The following ATE1 variants were observed in gnomAD, a reference collection of about 807,000 sequenced individuals.
ATE1 encodes arginyltransferase 1.
ATE1 carries 36 observed loss-of-function variants against 70.5 expected under a neutral mutation model. The observed-to-expected ratio is 0.51, with a 90% confidence interval of 0.39 to 0.67. ATE1 has a LOEUF of 0.67. ATE1 is among the 30% of genes least tolerant of loss of function. ATE1 has a pLI of 0.00. For missense variants in ATE1, 593 were observed against 629.5 expected, an observed-to-expected ratio of 0.94 and a Z score of 0.62; for synonymous variants, 232 against 219.3, an observed-to-expected ratio of 1.06 and a Z score of -0.51.
intron 5 of ATE1, 47 bp downstream of exon 5, chr10:121,910,858 CA>C (rs946372053): frequency 9.9e-6 from 16 of 1,611,184 alleles, no homozygotes; most frequent in African/African-American, 2.7e-5. Flanking sequence ...AATGACTCAG[CA>C]AAAAGCAAAG....
intron 1 of ATE1, chr10:121,926,832 T>G: frequency 5.1e-6 from 5 of 985,416 alleles, no homozygotes; most frequent in Non-Finnish European, 6.0e-6. Context: ...TCCGTTTAAG[T>G]CCAAACTGGA....
intron 10 of ATE1, among the ~76,000 whole-genome samples, chr10:121,829,755 G>A (rs936995723): frequency 4.6e-5 from 7 of 151,856 alleles, no homozygotes; most frequent in African/African-American, 1.5e-4. Flanking sequence ...TCCTATTGAA[G>A]AAATAAATTC....
chr10:121,775,322 G>A (rs964495827), intron 11 of ATE1, among the ~76,000 whole-genome samples: 1 of 152,010 alleles, frequency 6.6e-6, no homozygotes, highest in African/African-American at 2.4e-5. Flanking sequence ...TCAGAGAGTG[G>A]GGGGCAAGGG....
At chr10:121,871,121 T>C (rs182500436) in intron 7 of ATE1, among the ~76,000 whole-genome samples, 35 of 152,212 alleles carry the variant, frequency 2.3e-4, no homozygotes, top group African/African-American at 6.0e-4. Flanking sequence ...TTCATGATCA[T>C]TGGAGAAGTG....
intron 11 of ATE1, among the ~76,000 whole-genome samples, chr10:121,765,836 T>A (rs568021339): frequency 6.6e-6 from 1 of 152,284 alleles, no homozygotes; most frequent in South Asian, 2.1e-4. Context: ...CAGACTTCCA[T>A]TTAATTTTAT....
chr10:121,751,909 T>C (rs1043502813), intron 11 of ATE1, among the ~76,000 whole-genome samples: 4 of 152,088 alleles, frequency 2.6e-5, no homozygotes, highest in Non-Finnish European at 4.4e-5. Flanking sequence ...TTTACTCCAA[T>C]GTGGCCGGGC....
chr10:121,927,075 A>C, intron 1 of ATE1: 1 of 985,392 alleles, frequency 1.0e-6, no homozygotes, highest in Non-Finnish European at 1.2e-6. Flanking sequence ...AAAATAATAG[A>C]GTCTACATTC....
chr10:121,859,491 C>T (rs1031486881), intron 8 of ATE1, among the ~76,000 whole-genome samples: 1 of 152,028 alleles, frequency 6.6e-6, no homozygotes, highest in Non-Finnish European at 1.5e-5. Flanking sequence ...CTCCTGACCT[C>T]GTGATCGGCC....
At chr10:121,774,712 A>G (rs765336653) in intron 11 of ATE1, among the ~76,000 whole-genome samples, 6 of 152,214 alleles carry the variant, frequency 3.9e-5, no homozygotes, top group Non-Finnish European at 7.3e-5. Flanking sequence ...TAAATGTAAA[A>G]TTAGAACTCA....
At chr10:121,775,721 G>A (rs982326381) in intron 11 of ATE1, among the ~76,000 whole-genome samples, 11 of 152,158 alleles carry the variant, frequency 7.2e-5, no homozygotes, top group African/African-American at 1.9e-4. Context: ...CTCCACTGAC[G>A]GTATCTAGGG....
At chr10:121,907,301 C>G (rs561657177) in intron 5 of ATE1, among the ~76,000 whole-genome samples, 1 of 151,346 alleles carries the variant, frequency 6.6e-6, no homozygotes, top group East Asian at 2.0e-4. Flanking sequence ...CTAAAAGTAC[C>G]TAAAAGTACA....
intron 8 of ATE1, among the ~76,000 whole-genome samples, chr10:121,853,932 T>G (rs750839581): frequency 1.3e-5 from 2 of 152,216 alleles, no homozygotes; most frequent in Non-Finnish European, 2.9e-5. Flanking sequence ...ACCACTTTTA[T>G]AATGGCACGT....
chr10:121,744,142 G>C (rs952369595), intron 11 of ATE1, among the ~76,000 whole-genome samples: 4 of 151,258 alleles, frequency 2.6e-5, no homozygotes, highest in South Asian at 4.2e-4. Context: ...AGGCTGTCTC[G>C]AACTCCTAAC....
rs1031212508 is a variant in ATE1, at chr10:121,828,609, T to A, written c.1257+8109A>T. Among the ~76,000 whole-genome samples the A allele has an allele frequency of 2.6e-5, 4 of 152,124 alleles. No individual in the cohort carries two copies. The East Asian group carries it at 7.7e-4, about 29-fold the overall frequency. On this transcript the variant is annotated intron_variant, in intron 10 of 11. Transcript: ENST00000224652. Reference sequence around the variant, plus strand: ...CAGGCAGTTCCTTCCAGGCTACCCATCAGTCAGTGTAAGTCACCAGGTCAG... The same window carrying A: ...CAGGCAGTTCCTTCCAGGCTACCCAACAGTCAGTGTAAGTCACCAGGTCAG...
chr10:121,767,001 C>T (rs1397425767), intron 11 of ATE1, among the ~76,000 whole-genome samples: 1 of 152,154 alleles, frequency 6.6e-6, no homozygotes, highest in Non-Finnish European at 1.5e-5. Flanking sequence ...CCAGTATCCC[C>T]TTATGAACAC....
chr10:121,755,011 G>A (rs1447750038), intron 11 of ATE1, among the ~76,000 whole-genome samples: 4 of 152,204 alleles, frequency 2.6e-5, no homozygotes, highest in African/African-American at 9.6e-5. Context: ...CAAAAATATC[G>A]AGGTAACAAA....
Position 121,913,889 on chromosome 10 carries a change from G to T in ATE1, c.238C>A (p.Arg80=), listed in dbSNP as rs745899377. Residue 80 remains arginine (R), a synonymous_variant, in exon 4 of 12, where the codon CGA becomes AGA. Coordinates refer to ENST00000224652, the MANE Select transcript of ATE1 (RefSeq NM_001001976.3). ...TTTGAAGGCTGAAATTGTAAAGGTCGGCACCTAGGAAAGCAAAATAAATAT... is the reference window on the plus strand; with the variant it reads ...TTTGAAGGCTGAAATTGTAAAGGTCTGCACCTAGGAAAGCAAAATAAATAT... The part of the protein sequence containing the change: ...TCCPQYTIRC[R]PLQFQPSKSH... The T allele has an allele frequency of 6.2e-7, 1 of 1,602,906 alleles. No homozygotes were observed. Among genetic ancestry groups the T allele is most frequent in the South Asian group, 1.1e-5 (1 of 89,126 alleles).
chr10:121,853,494 A>T (rs972240063), intron 8 of ATE1, among the ~76,000 whole-genome samples: 1 of 152,202 alleles, frequency 6.6e-6, no homozygotes, highest in African/African-American at 2.4e-5. Context: ...GGAGCATTTC[A>T]GATTTTAGAT....
At chr10:121,795,016 G>A (rs548449490) in intron 10 of ATE1, among the ~76,000 whole-genome samples, 2 of 152,322 alleles carry the variant, frequency 1.3e-5, no homozygotes, top group Admixed American at 6.5e-5. Context: ...GGGAGGCCGA[G>A]GCAGGCAGAT....
Sources: allele counts gnomAD v4.1 joint callset (sites outside exome capture counted in the v4.1 genomes callset), GRCh38; gene constraint gnomAD v4.1.1; transcripts MANE v1.5; gene names NCBI Gene and HGNC (gene_info 2026-07-23, HGNC 2026-07-21).